Variants in PCDH15 observed in about 807,000 individuals in gnomAD.
PCDH15 encodes protocadherin related 15.
In PCDH15, 129 loss-of-function variants were observed where a neutral mutation model predicts 178.5. The ratio of observed to expected loss-of-function variants is 0.72; its 90% CI spans 0.63 to 0.84. PCDH15 has a LOEUF of 0.84. PCDH15 is among the 40% of genes least tolerant of loss of function. The pLI is 0.00. For synonymous variants in PCDH15, 800 were observed against 732.0 expected, an observed-to-expected ratio of 1.09 and a Z score of -1.50; for missense variants, 2,230 against 2,099.9, an observed-to-expected ratio of 1.06 and a Z score of -1.21.
intron 10 of PCDH15, among the ~76,000 whole-genome samples, chr10:54,212,565 C>T (rs865789307): frequency 6.6e-6 from 1 of 152,088 alleles, no homozygotes; most frequent in Admixed American, 6.6e-5. Context: ...TCCAGAAAAT[C>T]TTCCCTGAGT....
At chr10:55,183,633 A>G (rs1839712827) in intron 1 of PCDH15, among the ~76,000 whole-genome samples, 1 of 151,032 alleles carries the variant, frequency 6.6e-6, no homozygotes, top group Non-Finnish European at 1.5e-5. Context: ...AACTGCTTAC[A>G]TTGTTTTTTC....
intron 21 of PCDH15, among the ~76,000 whole-genome samples, chr10:53,973,945 G>A (rs1267275606): frequency 6.6e-6 from 1 of 152,138 alleles, no homozygotes; most frequent in Non-Finnish European, 1.5e-5. Context: ...CTAAATCAAA[G>A]TGAGCTGAAA....
chr10:54,570,429 T>C (rs1001039570), intron 2 of PCDH15, among the ~76,000 whole-genome samples: 1 of 152,188 alleles, frequency 6.6e-6, no homozygotes, highest in African/African-American at 2.4e-5. Flanking sequence ...ATTGAGAGAA[T>C]TGCTATGTTT....
At chr10:54,211,081 C>T (rs2051378159) in intron 10 of PCDH15, among the ~76,000 whole-genome samples, 4 of 152,056 alleles carry the variant, frequency 2.6e-5, no homozygotes, top group Admixed American at 2.6e-4. Flanking sequence ...ATTTCACTTA[C>T]AATACTGAAA....
chr10:54,333,891 T>C (rs1444876457), intron 6 of PCDH15, among the ~76,000 whole-genome samples: 1 of 152,214 alleles, frequency 6.6e-6, no homozygotes, highest in Non-Finnish European at 1.5e-5. Flanking sequence ...TTTTCTCTTC[T>C]TTCATTCTTA....
chr10:54,494,127 C>G (rs899552571), intron 3 of PCDH15, among the ~76,000 whole-genome samples: 1 of 151,426 alleles, frequency 6.6e-6, no homozygotes, highest in Admixed American at 6.6e-5. Context: ...AGGAGATATA[C>G]CTAATGCTAA....
intron 2 of PCDH15, chr10:54,641,131 T>A (rs928907043): frequency 2.0e-4 from 47 of 234,198 alleles, no homozygotes; most frequent in African/African-American, 9.4e-4. Context: ...AAAATTAAAA[T>A]TTTTTTAAAA....
intron 2 of PCDH15, among the ~76,000 whole-genome samples, chr10:55,555,397 T>G (rs976032912): frequency 2.0e-5 from 3 of 152,130 alleles, no homozygotes; most frequent in African/African-American, 7.2e-5. Flanking sequence ...GAAAGCCGTT[T>G]TATTTTCTCT....
rs1418580723 is a variant in PCDH15, at chr10:54,475,221, AACG to A, written c.157+52588_157+52590del. 3.3e-5 allele frequency among the ~76,000 whole-genome samples: 5 copies of A among 152,122 alleles called. No individual in the cohort carries two copies. The South Asian group carries it at 6.2e-4, about 19-fold the overall frequency. On this transcript the variant is annotated intron_variant, in intron 3 of 37. Coordinates refer to ENST00000644397, the MANE Select transcript of PCDH15 (RefSeq NM_001384140.1). ...GATTTGACTTATTTAACATTTCAGT[AACG>A]ACTAATGCCAGTGATTATTGCACTG...
intron 2 of PCDH15, among the ~76,000 whole-genome samples, chr10:55,017,138 G>A (rs1840200858): frequency 6.6e-6 from 1 of 152,058 alleles, no homozygotes; most frequent in African/African-American, 2.4e-5. Flanking sequence ...TTCCCTATTG[G>A]CCAAATCAAC....
At chr10:54,983,676 C>A (rs61024402) in intron 2 of PCDH15, among the ~76,000 whole-genome samples, 1,995 of 152,218 alleles carry the variant, frequency 0.013, 39 homozygotes, top group African/African-American at 0.045. Flanking sequence ...TAGTATGATT[C>A]TTAATCCTAA....
intron 25 of PCDH15, among the ~76,000 whole-genome samples, chr10:53,929,537 G>T (rs2084855802): frequency 6.6e-6 from 1 of 152,102 alleles, no homozygotes; most frequent in African/African-American, 2.4e-5. Context: ...AATAATATGT[G>T]ACAGGCTACA....
chr10:55,568,166 T>A (rs1228047999), intron 2 of PCDH15, among the ~76,000 whole-genome samples: 1 of 151,952 alleles, frequency 6.6e-6, no homozygotes, highest in Admixed American at 6.6e-5. Flanking sequence ...CAAGAGTCTA[T>A]CAAGAGTAGA....
At position 54,610,198 on chromosome 10, in the gene PCDH15, T is replaced by C. The variant is rs1487749299; in HGVS notation, c.91+53974A>G. 2.0e-5 allele frequency among the ~76,000 whole-genome samples: 3 copies of C among 151,374 alleles called. No homozygotes were observed. In the East Asian group the frequency reaches 5.9e-4, roughly 30 times the overall value. On this transcript the variant is annotated intron_variant, in intron 2 of 37. Transcript: ENST00000644397. ...CAGATCTCGATTTTTTCAAATATAG[T>C]ATTTCACCTCAGAAATACTATCTAT...
At chr10:55,574,486 C>T (rs1842461764) in intron 2 of PCDH15, among the ~76,000 whole-genome samples, 2 of 152,108 alleles carry the variant, frequency 1.3e-5, no homozygotes, top group African/African-American at 4.8e-5. Context: ...CAGAGTATTG[C>T]TTTCCAAGCC....
intron 2 of PCDH15, among the ~76,000 whole-genome samples, chr10:55,008,447 T>C (rs1190108265): frequency 6.6e-6 from 1 of 152,182 alleles, no homozygotes; most frequent in Admixed American, 6.6e-5. Flanking sequence ...AATTACTTGA[T>C]ACAGGTTTGG....
At chr10:54,745,144 G>T (rs1178024291) in intron 1 of PCDH15, among the ~76,000 whole-genome samples, 1 of 152,130 alleles carries the variant, frequency 6.6e-6, no homozygotes, top group Non-Finnish European at 1.5e-5. Flanking sequence ...ATAGCTCAAT[G>T]ATTTAAATCA....
At chr10:53,908,258 A>G in intron 25 of PCDH15, among the ~76,000 whole-genome samples, 1 of 152,162 alleles carries the variant, frequency 6.6e-6, no homozygotes, top group East Asian at 1.9e-4. Flanking sequence ...ACGAACAAAC[A>G]AACAAACAAA....
intron 2 of PCDH15, among the ~76,000 whole-genome samples, chr10:54,955,514 T>C (rs1406112126): frequency 6.6e-6 from 1 of 151,378 alleles, no homozygotes; most frequent in East Asian, 1.9e-4. Flanking sequence ...ACAAGGTATG[T>C]TTGTTTCATA....
Sources: gnomAD v4.1 joint callset for allele counts (sites outside exome capture counted in the v4.1 genomes callset) on GRCh38, gnomAD v4.1.1 for gene constraint, MANE v1.5 for transcripts, NCBI Gene and HGNC (gene_info 2026-07-23, HGNC 2026-07-21) for gene names.